ANKS1A: variants seen among roughly 807,000 people sequenced by gnomAD.
ANKS1A encodes the protein ankyrin repeat and SAM domain-containing protein 1A.
A neutral mutation model predicts 120.3 loss-of-function variants in ANKS1A; 55 were observed. That is an observed-to-expected ratio of 0.46 (90% CI 0.37 to 0.57). The LOEUF (loss-of-function observed/expected upper bound fraction) is 0.57, where lower values mean the gene tolerates loss of function less well. ANKS1A is among the 20% of genes least tolerant of loss of function. The pLI, the probability that ANKS1A is intolerant of heterozygous loss-of-function variation, is 0.00. For synonymous variants in ANKS1A, 590 were observed against 604.7 expected (o/e 0.98, Z 0.36); for missense variants, 1,123 against 1,480.3 (o/e 0.76, Z 3.96).
intron 13 of ANKS1A, among the ~76,000 whole-genome samples, chr6:35,068,169 C>T (rs1276066329): frequency 1.3e-5 from 2 of 152,204 alleles, no homozygotes; most frequent in African/African-American, 2.4e-5. Context: ...GCTAAGATTA[C>T]AGGCGTGAGC....
intron 14 of ANKS1A, among the ~76,000 whole-genome samples, chr6:35,078,964 C>A (rs937054053): frequency 1.3e-5 from 2 of 152,192 alleles, no homozygotes; most frequent in Non-Finnish European, 2.9e-5. Flanking sequence ...GCCTTTCACC[C>A]AGAGCCCCCT....
chr6:35,052,467 T>TA (rs887985940), intron 11 of ANKS1A, among the ~76,000 whole-genome samples: 2 of 149,400 alleles, frequency 1.3e-5, no homozygotes, highest in African/African-American at 4.9e-5. Flanking sequence ...AAATAAAAAT[T>TA]AAAAAAAATA....
chr6:34,944,178 C>T lies in ANKS1A; in HGVS notation c.198-23061C>T, dbSNP rs551797065. 4.6e-5 allele frequency among the ~76,000 whole-genome samples: 7 copies of T among 151,848 alleles called. No individual in the cohort carries two copies. In the East Asian group the frequency reaches 9.7e-4, roughly 21 times the overall value. On this transcript the variant is annotated intron_variant, in intron 1 of 23. Transcript: ENST00000360359. ...CTGTAGTCCCAGCTACTCAGGAGGC[C>T]GAGGCAGGAGAATGGCGTAAACCTG... is the stretch of plus-strand genomic sequence containing the variant.
At chr6:34,997,188 T>C (rs1772899840) in intron 10 of ANKS1A, among the ~76,000 whole-genome samples, 1 of 136,888 alleles carries the variant, frequency 7.3e-6, no homozygotes, top group Non-Finnish European at 1.5e-5. Context: ...CCAATCATAT[T>C]GGTAGAATTT....
At chr6:34,981,415 TA>T in intron 3 of ANKS1A, among the ~76,000 whole-genome samples, 1 of 152,196 alleles carries the variant, frequency 6.6e-6, no homozygotes, top group Non-Finnish European at 1.5e-5. Context: ...TCACTCTCCT[TA>T]CAACCTGGAG....
intron 1 of ANKS1A, among the ~76,000 whole-genome samples, chr6:34,945,334 G>A (rs1198020516): frequency 6.6e-6 from 1 of 152,094 alleles, no homozygotes; most frequent in African/African-American, 2.4e-5. Context: ...TGCCTTGGCT[G>A]CCCACAGTGC....
At chr6:34,951,730 T>G (rs1770101716) in intron 1 of ANKS1A, among the ~76,000 whole-genome samples, 1 of 152,220 alleles carries the variant, frequency 6.6e-6, no homozygotes, top group Admixed American at 6.5e-5. Flanking sequence ...ATTAAATGAA[T>G]TCAGTCAGTT....
chr6:35,015,676 G>A (rs1365609060), intron 10 of ANKS1A, among the ~76,000 whole-genome samples: 1 of 152,170 alleles, frequency 6.6e-6, no homozygotes, highest in Non-Finnish European at 1.5e-5. Context: ...GAGCTGGGAG[G>A]GGAGAGGGGG....
intron 1 of ANKS1A, among the ~76,000 whole-genome samples, chr6:34,950,379 C>A (rs920769742): frequency 1.3e-5 from 2 of 151,976 alleles, no homozygotes; most frequent in African/African-American, 4.8e-5. Context: ...CGGGCACCCG[C>A]CACCACGCCC....
intron 12 of ANKS1A, among the ~76,000 whole-genome samples, chr6:35,059,322 G>A (rs1330269144): frequency 2.0e-5 from 3 of 152,352 alleles, no homozygotes; most frequent in Non-Finnish European, 2.9e-5. Flanking sequence ...GGCGGAATGC[G>A]ATGCTGCCGT....
At chr6:34,999,761 C>A (rs1479208664) in intron 10 of ANKS1A, among the ~76,000 whole-genome samples, 1 of 152,064 alleles carries the variant, frequency 6.6e-6, no homozygotes, top group Non-Finnish European at 1.5e-5. Flanking sequence ...GTTTTAGACC[C>A]CCTTCCCCGC....
chr6:35,079,801 C>T lies in ANKS1A; in HGVS notation c.2437-20C>T, dbSNP rs760029878. 1.2e-5 allele frequency: 19 copies of T among 1,590,502 alleles called. No homozygotes were observed. The Middle Eastern group carries it at 5.1e-4, about 43-fold the overall frequency. On this transcript the variant is annotated intron_variant, in intron 15 of 23. Transcript: ENST00000360359. ...GAGTTGGCCACCTGACCTGTCACCT[C>T]GCTGCTCCTCATCACCCAGGTCCTG...
chr6:34,984,005 AG>A (rs1772052614), intron 7 of ANKS1A, among the ~76,000 whole-genome samples: 1 of 152,120 alleles, frequency 6.6e-6, no homozygotes, highest in Non-Finnish European at 1.5e-5. Flanking sequence ...CATGTTGGCC[AG>A]GCTGGCCTCG....
chr6:35,039,583 T>C (rs771329788), intron 11 of ANKS1A: 4 of 456,710 alleles, frequency 8.8e-6, no homozygotes, highest in South Asian at 1.5e-5. Context: ...GGAAGGAAAA[T>C]GGCCCACACA....
At chr6:35,097,701 G>A in the ANKS1A span, among the ~76,000 whole-genome samples, 5 of 148,750 alleles carry the variant, frequency 3.4e-5, no homozygotes, top group African/African-American at 5.0e-5. Flanking sequence ...GCCCATCCAC[G>A]TTGATTATTC....
intron 11 of ANKS1A, among the ~76,000 whole-genome samples, chr6:35,041,054 G>A (rs947805468): frequency 1.4e-4 from 21 of 152,208 alleles, no homozygotes; most frequent in African/African-American, 4.1e-4. Flanking sequence ...AGAGGTTTGC[G>A]GAAAATAGCC....
chr6:35,066,593 C>T (rs1286071237), intron 13 of ANKS1A, among the ~76,000 whole-genome samples: 1 of 152,012 alleles, frequency 6.6e-6, no homozygotes, highest in Non-Finnish European at 1.5e-5. Flanking sequence ...GAAGAGTTTC[C>T]CAAACCCATG....
At chr6:34,901,304 A>G (rs932984327) in intron 1 of ANKS1A, among the ~76,000 whole-genome samples, 15 of 152,176 alleles carry the variant, frequency 9.9e-5, no homozygotes, top group African/African-American at 3.4e-4. Context: ...GGCCCATAAA[A>G]TGTTTTTCAG....
rs897275035 is a variant in ANKS1A, at chr6:35,082,787, A to G, written c.2806A>G (p.Ile936Val). 3.7e-6 allele frequency: 6 copies of G among 1,613,864 alleles called. No homozygotes were observed. The African/African-American group carries it at 8.0e-5, about 22-fold the overall frequency. The change falls in exon 18 of 24, where the codon ATC becomes GTC. Residue 936 changes from isoleucine to valine, a missense_variant. Coordinates refer to ENST00000360359, the MANE Select transcript of ANKS1A (RefSeq NM_015245.3). This position sits in a 1 kb window ranked among gnomAD's most constrained non-coding sequence, Gnocchi z 4.1. ...TTGGCAACACCAGCCAGAGAAACTC[A>G]TCTTCGAGTCCTGTGGTTATGAAGC... ...QSWQHQPEKL[I>V]FESCGYEANY...
Sources: allele counts gnomAD v4.1 joint callset (sites outside exome capture counted in the v4.1 genomes callset), GRCh38; gene constraint gnomAD v4.1.1; non-coding constraint Gnocchi (gnomAD v3.1); transcripts MANE v1.5; gene names NCBI Gene and HGNC (gene_info 2026-07-23, HGNC 2026-07-21).